CSMD1: variants seen among roughly 807,000 people sequenced by gnomAD.
The protein encoded by CSMD1 is CUB and Sushi multiple domains 1.
In CSMD1, 213 loss-of-function variants were observed where a neutral mutation model predicts 417.5. The ratio of observed to expected loss-of-function variants is 0.51; its 90% CI spans 0.46 to 0.57. CSMD1 has a LOEUF of 0.57. CSMD1 is among the 20% of genes least tolerant of loss of function. The pLI, the probability that CSMD1 is intolerant of heterozygous loss-of-function variation, is 0.00. For missense variants in CSMD1, 6,923 were observed against 4,529.7 expected, an observed-to-expected ratio of 1.53 and a Z score of -15.17; for synonymous variants, 2,862 against 1,736.8, an observed-to-expected ratio of 1.65 and a Z score of -16.11.
chr8:4,907,658 C>T (rs1805386704), intron 1 of CSMD1, among the ~76,000 whole-genome samples: 1 of 151,982 alleles, frequency 6.6e-6, no homozygotes, highest in African/African-American at 2.4e-5. Flanking sequence ...TTTCCAGGCT[C>T]TAATGATCCT....
intron 7 of CSMD1, among the ~76,000 whole-genome samples, chr8:3,702,453 T>A (rs543243325): frequency 6.6e-6 from 1 of 152,210 alleles, no homozygotes; most frequent in South Asian, 2.1e-4. Context: ...AATCCTCACA[T>A]TGAGAGCTGC....
At chr8:4,787,165 T>C (rs1034450069) in intron 1 of CSMD1, among the ~76,000 whole-genome samples, 6 of 152,214 alleles carry the variant, frequency 3.9e-5, no homozygotes, top group Non-Finnish European at 5.9e-5. Flanking sequence ...GTTCGGCCGC[T>C]GTAGCGGAGC....
At chr8:4,462,068 T>C (rs557809521) in intron 2 of CSMD1, among the ~76,000 whole-genome samples, 1 of 151,598 alleles carries the variant, frequency 6.6e-6, no homozygotes, top group African/African-American at 2.4e-5. Context: ...AGGGATGAAG[T>C]CTCACTGTGT....
intron 5 of CSMD1, among the ~76,000 whole-genome samples, chr8:3,796,739 T>C (rs62479735): frequency 0.26 from 39,676 of 150,840 alleles, 5,949 homozygotes; most frequent in Non-Finnish European, 0.34. Context: ...CACCTTGTTA[T>C]AGGTGGTTGC....
Position 4,083,986 on chromosome 8 carries a change from C to A in CSMD1, c.416-51887G>T, listed in dbSNP as rs867792932. ...ATCCAGAATCTACAATGAACTCAAACAAATTTACAAGAAAAAAACAAACAA... is the reference window on the plus strand; with the variant it reads ...ATCCAGAATCTACAATGAACTCAAAAAAATTTACAAGAAAAAAACAAACAA... On this transcript the variant is annotated intron_variant, in intron 3 of 69. Coordinates refer to ENST00000635120, the MANE Select transcript of CSMD1 (RefSeq NM_033225.6). Among the ~76,000 whole-genome samples the A allele has an allele frequency of 3.2e-4, 49 of 152,018 alleles. 1 individual carries two copies. The Middle Eastern group carries it at 0.014, about 42-fold the overall frequency.
At chr8:4,869,715 A>G (rs1395043189) in intron 1 of CSMD1, among the ~76,000 whole-genome samples, 3 of 152,048 alleles carry the variant, frequency 2.0e-5, no homozygotes, top group South Asian at 2.1e-4. Context: ...TACCTTCCCA[A>G]TTCATGAAGT....
At chr8:3,577,913 G>A (rs909921638) in intron 9 of CSMD1, among the ~76,000 whole-genome samples, 1 of 152,162 alleles carries the variant, frequency 6.6e-6, no homozygotes, top group Non-Finnish European at 1.5e-5. Context: ...AGCCGTGCAT[G>A]TGTAGAGACC....
At chr8:4,588,141 G>A (rs1372729659) in intron 2 of CSMD1, among the ~76,000 whole-genome samples, 2 of 151,930 alleles carry the variant, frequency 1.3e-5, no homozygotes, top group Non-Finnish European at 2.9e-5. Context: ...TTTCAAAGAC[G>A]GGCTTATTTT....
At chr8:4,969,315 T>C (rs1328253908) in intron 1 of CSMD1, among the ~76,000 whole-genome samples, 1 of 151,928 alleles carries the variant, frequency 6.6e-6, no homozygotes, top group Non-Finnish European at 1.5e-5. Flanking sequence ...TAGACATTAT[T>C]AAATATCAGA....
chr8:3,293,359 T>G lies in CSMD1; in HGVS notation c.3951-9013A>C, dbSNP rs1021713240. Among the ~76,000 whole-genome samples the G allele has an allele frequency of 3.9e-5, 6 of 152,292 alleles. No individual in the cohort carries two copies. In the East Asian group the frequency reaches 9.7e-4, roughly 25 times the overall value. ...GTGGCGTTCTCTGGATTTCCTGAAT[T>G]TGAATGTTGGCCTGCCTTGCTAGAT... On this transcript the variant is annotated intron_variant, in intron 25 of 69. Transcript: ENST00000635120.
intron 1 of CSMD1, among the ~76,000 whole-genome samples, chr8:4,934,046 T>C (rs62488184): frequency 0.062 from 9,472 of 152,124 alleles, 409 homozygotes; most frequent in Non-Finnish European, 0.08. Flanking sequence ...ATAAATGTGT[T>C]CTAGCATGAA....
intron 12 of CSMD1, among the ~76,000 whole-genome samples, chr8:3,464,872 A>C (rs1027380281): frequency 1.3e-5 from 2 of 152,068 alleles, no homozygotes; most frequent in Non-Finnish European, 2.9e-5. Context: ...TTACTTTCTG[A>C]CACTTAACAT....
chr8:4,073,191 A>G (rs906963946), intron 3 of CSMD1, among the ~76,000 whole-genome samples: 2 of 152,188 alleles, frequency 1.3e-5, no homozygotes, highest in Non-Finnish European at 2.9e-5. Context: ...CACTTCAAAG[A>G]ACGCTCACAA....
chr8:4,449,739 A>G (rs1799021378), intron 2 of CSMD1, among the ~76,000 whole-genome samples: 1 of 152,142 alleles, frequency 6.6e-6, no homozygotes, highest in Admixed American at 6.5e-5. Context: ...GGTCGGGTGT[A>G]GAAAGAGAAA....
chr8:3,637,230 T>G (rs1475341064), intron 7 of CSMD1, among the ~76,000 whole-genome samples: 2 of 152,350 alleles, frequency 1.3e-5, no homozygotes, highest in Non-Finnish European at 2.9e-5. Context: ...TACTAGGTAA[T>G]TTGTAATCAG....
At chr8:4,258,618 C>A (rs1803653984) in intron 3 of CSMD1, among the ~76,000 whole-genome samples, 1 of 82,472 alleles carries the variant, frequency 1.2e-5, no homozygotes, top group African/African-American at 4.4e-5. Flanking sequence ...CATAGGGGCA[C>A]TCATTCTAAC....
chr8:4,232,222 G>T (rs549064373), intron 3 of CSMD1, among the ~76,000 whole-genome samples: 78 of 152,224 alleles, frequency 5.1e-4, no homozygotes, highest in African/African-American at 1.8e-3. Context: ...TTAAGACAGA[G>T]TCTCGCTCTG....
intron 1 of CSMD1, among the ~76,000 whole-genome samples, chr8:4,681,058 T>C (rs1413554867): frequency 6.6e-6 from 1 of 150,786 alleles, no homozygotes; most frequent in Non-Finnish European, 1.5e-5. Flanking sequence ...TTCAGAAAAA[T>C]TAACTTGCAT....
chr8:3,977,313 T>C (rs1813509361), intron 5 of CSMD1, among the ~76,000 whole-genome samples: 1 of 152,118 alleles, frequency 6.6e-6, no homozygotes, highest in South Asian at 2.1e-4. Context: ...CCCATTTCAT[T>C]CCTTTCCCAA....
Sources: allele counts gnomAD v4.1 joint callset (sites outside exome capture counted in the v4.1 genomes callset), GRCh38; gene constraint gnomAD v4.1.1; transcripts MANE v1.5; gene names NCBI Gene and HGNC (gene_info 2026-07-23, HGNC 2026-07-21).